MAGI1: variants seen among roughly 807,000 people sequenced by gnomAD.
MAGI1 encodes the protein membrane associated guanylate kinase, WW and PDZ domain containing 1.
Under a neutral mutation model 139.9 loss-of-function variants are expected in MAGI1, and 58 were observed. The observed-to-expected ratio is 0.41, with a 90% CI of 0.34 to 0.52. The LOEUF (loss-of-function observed/expected upper bound fraction) is 0.52. Ranked by LOEUF, MAGI1 falls within the 20% of genes least tolerant of loss-of-function variation. The probability of loss-of-function intolerance (pLI) is 0.12; values close to 1 mark genes in which losing one functional copy is unlikely to be tolerated. For missense variants in MAGI1, 1,874 were observed against 1,901.6 expected (o/e 0.99, Z 0.27); for synonymous variants, 812 against 737.9 (o/e 1.10, Z -1.63).
intron 1 of MAGI1, among the ~76,000 whole-genome samples, chr3:65,694,295 G>A (rs1347622234): frequency 1.3e-5 from 2 of 152,152 alleles, no homozygotes; most frequent in Non-Finnish European, 2.9e-5. Context: ...ACTGCACTAA[G>A]CAGTGTGCCT....
At chr3:65,648,044 T>C (rs992234429) in intron 1 of MAGI1, among the ~76,000 whole-genome samples, 10 of 152,148 alleles carry the variant, frequency 6.6e-5, no homozygotes, top group East Asian at 1.9e-4. Context: ...ATTATCTACA[T>C]AGAAAATCCC....
chr3:65,925,182 A>G (rs1576083096), intron 1 of MAGI1: 1 of 152,354 alleles, frequency 6.6e-6, no homozygotes, highest in East Asian at 1.9e-4. Context: ...TGGCTGAGGA[A>G]GAAAAAACCA....
At chr3:65,838,255 T>G (rs2088165) in intron 1 of MAGI1, among the ~76,000 whole-genome samples, 93,209 of 151,924 alleles carry the variant, frequency 0.61, 29,235 homozygotes, top group East Asian at 0.95. Context: ...GAGGTTGCAG[T>G]GAGCCGAGAT....
At chr3:65,504,918 T>G (rs9836200) in intron 2 of MAGI1, among the ~76,000 whole-genome samples, 1 of 152,290 alleles carries the variant, frequency 6.6e-6, no homozygotes, top group South Asian at 2.1e-4. Context: ...GTCAGGAACA[T>G]GAGAGTTCTC....
intron 2 of MAGI1, among the ~76,000 whole-genome samples, chr3:65,508,261 G>T (rs556335753): frequency 6.6e-6 from 1 of 152,014 alleles, no homozygotes; most frequent in Non-Finnish European, 1.5e-5. Flanking sequence ...AAAGTTAGCC[G>T]GGCGTGGCAG....
chr3:65,751,314 C>T (rs1485911219), intron 1 of MAGI1, among the ~76,000 whole-genome samples: 1 of 152,110 alleles, frequency 6.6e-6, no homozygotes, highest in Admixed American at 6.5e-5. Context: ...CAATGGTGCA[C>T]TGACAGAAAG....
chr3:65,909,362 C>CAA (rs35345969), intron 1 of MAGI1, among the ~76,000 whole-genome samples: 15 of 130,792 alleles, frequency 1.1e-4, no homozygotes, highest in South Asian at 2.5e-4. Context: ...CCCATCTCTA[C>CAA]AAAAAAAAAA....
At chr3:65,654,468 T>G (rs963290200) in intron 1 of MAGI1, among the ~76,000 whole-genome samples, 1 of 152,184 alleles carries the variant, frequency 6.6e-6, no homozygotes, top group Non-Finnish European at 1.5e-5. Flanking sequence ...AAAACAGTTA[T>G]GAAGTATGGC....
chr3:65,554,018 A>AT lies in MAGI1; in HGVS notation c.431-60388dup, dbSNP rs542686230. 2.2e-4 allele frequency among the ~76,000 whole-genome samples: 33 copies of AT among 152,178 alleles called. No individual in the cohort carries two copies. In the East Asian group the frequency reaches 5.4e-3, roughly 25 times the overall value. ...TGCTCTAAGCAATGAGCTTTTTTAG[A>AT]TTTTTTTCTCCTAATCAACCCCTGC... On this transcript the variant is annotated intron_variant, in intron 2 of 22. Transcript: ENST00000402939.
At chr3:65,916,765 C>T (rs1455893761) in intron 1 of MAGI1, among the ~76,000 whole-genome samples, 4 of 151,988 alleles carry the variant, frequency 2.6e-5, no homozygotes, top group Admixed American at 1.3e-4. Flanking sequence ...TACTTAAGTA[C>T]ATGTATCATA....
intron 18 of MAGI1, among the ~76,000 whole-genome samples, chr3:65,374,404 G>A (rs4414785): frequency 0.041 from 5,247 of 129,112 alleles, 524 homozygotes; most frequent in East Asian, 0.34. Flanking sequence ...TGCAACCTCC[G>A]CCTCCCAGGC....
intron 1 of MAGI1, among the ~76,000 whole-genome samples, chr3:65,781,857 AAGTC>A (rs1227728534): frequency 1.3e-5 from 2 of 151,990 alleles, no homozygotes; most frequent in African/African-American, 4.8e-5. Context: ...AGCTTTCCTG[AAGTC>A]AGTCAGTGGA....
intron 1 of MAGI1, among the ~76,000 whole-genome samples, chr3:65,738,394 C>T (rs1559836083): frequency 6.6e-6 from 1 of 152,176 alleles, no homozygotes; most frequent in Non-Finnish European, 1.5e-5. Flanking sequence ...CCAGGCTGCA[C>T]TGAAACTCCT....
intron 1 of MAGI1, among the ~76,000 whole-genome samples, chr3:65,733,064 TG>T (rs1184838343): frequency 9.2e-5 from 14 of 151,396 alleles, no homozygotes; most frequent in Non-Finnish European, 1.3e-4. Context: ...TGTTTTTGTT[TG>T]TTTTTTTTGA....
chr3:65,815,729 T>G (rs762562950), intron 1 of MAGI1, among the ~76,000 whole-genome samples: 4 of 152,216 alleles, frequency 2.6e-5, no homozygotes, highest in Non-Finnish European at 4.4e-5. Flanking sequence ...ATTAAGGGCT[T>G]ATGTGCCAGA....
intron 1 of MAGI1, among the ~76,000 whole-genome samples, chr3:65,735,283 C>A (rs1177947970): frequency 6.6e-6 from 1 of 151,796 alleles, no homozygotes; most frequent in Non-Finnish European, 1.5e-5. Context: ...CAAATGGAAA[C>A]AGAAGTTAAG....
intron 1 of MAGI1, among the ~76,000 whole-genome samples, chr3:65,734,395 G>C (rs1057260169): frequency 6.6e-6 from 1 of 151,784 alleles, no homozygotes; most frequent in Non-Finnish European, 1.5e-5. Context: ...AGGAGGTCGA[G>C]GCAGCAGTGA....
intron 1 of MAGI1, among the ~76,000 whole-genome samples, chr3:65,699,762 G>T (rs956759276): frequency 6.8e-6 from 1 of 147,920 alleles, no homozygotes; most frequent in Non-Finnish European, 1.5e-5. Flanking sequence ...AGCATTGGGA[G>T]ATATACCTAA....
chr3:65,619,925 A>C, intron 2 of MAGI1: 1 of 985,350 alleles, frequency 1.0e-6, no homozygotes, highest in African/African-American at 1.7e-5. Flanking sequence ...GCCATAAAAC[A>C]TCAATGCCAA....
Sources: allele counts gnomAD v4.1 joint callset (sites outside exome capture counted in the v4.1 genomes callset), GRCh38; gene constraint gnomAD v4.1.1; transcripts MANE v1.5; gene names NCBI Gene and HGNC (gene_info 2026-07-23, HGNC 2026-07-21).